The following TMEFF2 variants were observed in gnomAD, a reference collection of about 807,000 sequenced individuals.
The protein encoded by TMEFF2 is transmembrane protein with EGF like and two follistatin like domains 2, also known as tomoregulin-2.
TMEFF2 carries 28 observed loss-of-function variants against 53.8 expected under a neutral mutation model. That is an observed-to-expected ratio of 0.52 (90% CI 0.39 to 0.71). TMEFF2 has a LOEUF of 0.71. Ranked by LOEUF, TMEFF2 falls within the 30% of genes least tolerant of loss-of-function variation. TMEFF2 has a pLI of 0.00. For missense variants in TMEFF2, 353 were observed against 455.2 expected (o/e 0.78, Z 2.04); for synonymous variants, 162 against 166.3 (o/e 0.97, Z 0.20).
At chr2:192,068,585 G>A (rs1688217770) in intron 4 of TMEFF2, among the ~76,000 whole-genome samples, 2 of 151,802 alleles carry the variant, frequency 1.3e-5, no homozygotes, top group African/African-American at 4.8e-5. Flanking sequence ...CTTTGTTTTA[G>A]TGCACTGGAC....
At chr2:192,133,641 T>C (rs1326898349) in intron 4 of TMEFF2, among the ~76,000 whole-genome samples, 1 of 152,094 alleles carries the variant, frequency 6.6e-6, no homozygotes, top group Non-Finnish European at 1.5e-5. Flanking sequence ...CCCTCCACAA[T>C]CCGTTATTCT....
chr2:192,091,658 T>C (rs1036251108), intron 4 of TMEFF2, among the ~76,000 whole-genome samples: 1 of 152,180 alleles, frequency 6.6e-6, no homozygotes, highest in Non-Finnish European at 1.5e-5. Context: ...ATTGTGGTTT[T>C]ATTACGTCAC....
At chr2:192,165,675 C>T (rs1432978970) in intron 4 of TMEFF2, among the ~76,000 whole-genome samples, 1 of 151,938 alleles carries the variant, frequency 6.6e-6, no homozygotes, top group Non-Finnish European at 1.5e-5. Flanking sequence ...ACTCCCTTTC[C>T]TCTCCAATAA....
At chr2:192,183,180 A>C (rs115556099) in intron 3 of TMEFF2, among the ~76,000 whole-genome samples, 1,621 of 152,060 alleles carry the variant, frequency 0.011, 24 homozygotes, top group African/African-American at 0.037. Context: ...CCAAAACAAA[A>C]CATCATTGGC....
intron 4 of TMEFF2, among the ~76,000 whole-genome samples, chr2:192,137,008 A>C (rs1049425934): frequency 2.0e-5 from 3 of 152,250 alleles, no homozygotes; most frequent in Admixed American, 1.3e-4. Flanking sequence ...AAATGATTAA[A>C]TGAATTTTTA....
At position 192,048,105 on chromosome 2, in the gene TMEFF2, T is replaced by C. The variant is rs1024142546; in HGVS notation, c.536+9574A>G. On this transcript the variant is annotated intron_variant, in intron 5 of 9. Transcript: ENST00000272771. Reference sequence around the variant, plus strand: ...GTTTAACACAGGCTTAGAGGGGATATAGGCTTTGATAATTTTTTAGATCAC... The same window carrying C: ...GTTTAACACAGGCTTAGAGGGGATACAGGCTTTGATAATTTTTTAGATCAC... Among the ~76,000 whole-genome samples the C allele has an allele frequency of 4.0e-4, 61 of 152,228 alleles. 1 individual carries two copies. Among genetic ancestry groups the C allele is most frequent in the South Asian group, 8.3e-4 (4 of 4,824 alleles).
chr2:192,076,825 A>C (rs1177710166), intron 4 of TMEFF2, among the ~76,000 whole-genome samples: 4 of 152,096 alleles, frequency 2.6e-5, no homozygotes, highest in Non-Finnish European at 5.9e-5. Flanking sequence ...GTGATCAGGG[A>C]GCAGCCAGTG....
chr2:192,073,395 A>G (rs1688335593), intron 4 of TMEFF2, among the ~76,000 whole-genome samples: 1 of 151,794 alleles, frequency 6.6e-6, no homozygotes, highest in Non-Finnish European at 1.5e-5. Flanking sequence ...TATACTACAC[A>G]TCAGTTTTAG....
At chr2:192,135,914 G>A (rs1383130075) in intron 4 of TMEFF2, among the ~76,000 whole-genome samples, 2 of 146,774 alleles carry the variant, frequency 1.4e-5, no homozygotes, top group Admixed American at 6.9e-5. Flanking sequence ...TGTGACCCCC[G>A]CCCCTGCCCA....
chr2:192,130,239 T>C (rs1477851140), intron 4 of TMEFF2, among the ~76,000 whole-genome samples: 3 of 152,186 alleles, frequency 2.0e-5, no homozygotes, highest in African/African-American at 4.8e-5. Context: ...CAGATTTTTT[T>C]CCTAAATTTC....
chr2:192,194,291 G>A lies in TMEFF2; in HGVS notation c.172+62C>T. 6.3e-7 allele frequency: 1 copy of A among 1,593,490 alleles called. No individual in the cohort carries two copies. The highest frequency in any genetic ancestry group is 1.1e-5 in the South Asian group (1 of 88,140). The stretch of plus-strand genomic sequence containing the variant: ...GAGGCGCGCTAGGGTAGGCTGGTCT[G>A]TGCTGGATACGCGTGTTCTTCTGCG... On this transcript the variant is annotated intron_variant, in intron 1 of 9. Coordinates refer to ENST00000272771, the MANE Select transcript of TMEFF2 (RefSeq NM_016192.4). The surrounding 1 kb of genome is among the most constrained non-coding windows in gnomAD (Gnocchi z 4.2).
Position 191,998,287 on chromosome 2 carries a change from C to T in TMEFF2, c.720G>A (p.Gly240=). Residue 240 remains glycine, a synonymous_variant, in exon 7 of 10, where the codon GGG becomes GGA. Coordinates refer to ENST00000272771, the MANE Select transcript of TMEFF2 (RefSeq NM_016192.4). The part of the protein sequence containing the change: ...NTTTTTKSED[G]HYARTDYAEN... The stretch of plus-strand genomic sequence containing the variant: ...CTGCATAATCTGTTCTTGCATAATG[C>T]CCATCTTCAGACTTAGTAGTTGTAG... 6.3e-7 allele frequency: 1 copy of T among 1,599,350 alleles called. No individual in the cohort carries two copies. The highest frequency in any genetic ancestry group is 8.5e-7 in the Non-Finnish European group (1 of 1,173,442).
At chr2:192,103,166 T>G (rs1429683213) in intron 4 of TMEFF2, among the ~76,000 whole-genome samples, 1 of 152,148 alleles carries the variant, frequency 6.6e-6, no homozygotes, top group Non-Finnish European at 1.5e-5. Flanking sequence ...TACTTCTTGA[T>G]CTTCTCTTTT....
intron 5 of TMEFF2, among the ~76,000 whole-genome samples, chr2:192,049,480 A>G (rs1308036166): frequency 1.3e-5 from 2 of 152,154 alleles, no homozygotes; most frequent in Non-Finnish European, 1.5e-5. Context: ...TGAGATTCCT[A>G]TTATTATCTT....
intron 2 of TMEFF2, among the ~76,000 whole-genome samples, chr2:192,184,921 G>T (rs1038678090): frequency 3.3e-5 from 5 of 152,124 alleles, no homozygotes; most frequent in East Asian, 1.9e-4. Context: ...AAATGCCAAA[G>T]AAATCAATTA....
intron 4 of TMEFF2, among the ~76,000 whole-genome samples, chr2:192,082,024 TCTC>T (rs1247633716): frequency 2.0e-5 from 3 of 151,950 alleles, no homozygotes; most frequent in Admixed American, 6.6e-5. Context: ...ATGGTCTTGA[TCTC>T]CTGACCTCAT....
In TMEFF2 at chr2:192,145,583, TA is replaced by T. The variant is rs1413202342; in HGVS notation, c.439+34084del. Among the ~76,000 whole-genome samples the T allele has an allele frequency of 2.0e-5, 3 of 151,968 alleles. No individual in the cohort carries two copies. The East Asian group carries it at 5.8e-4, about 29-fold the overall frequency. ...AAAATGACAAAGCATTCATCTTAAA[TA>T]ATCTTTTGGGGATGGCTCTTCTGCA... On this transcript the variant is annotated intron_variant, in intron 4 of 9. Coordinates refer to ENST00000272771, the MANE Select transcript of TMEFF2 (RefSeq NM_016192.4).
chr2:192,060,567 C>T (rs191338508), intron 4 of TMEFF2, among the ~76,000 whole-genome samples: 3 of 152,178 alleles, frequency 2.0e-5, no homozygotes, highest in African/African-American at 4.8e-5. Flanking sequence ...TACATATGTA[C>T]GTACATGCAG....
At chr2:192,058,299 T>G (rs565538073) in intron 4 of TMEFF2, among the ~76,000 whole-genome samples, 7 of 152,286 alleles carry the variant, frequency 4.6e-5, no homozygotes, top group South Asian at 2.1e-4. Context: ...AGAAAAAGTA[T>G]GTTGATTATA....
Sources: allele counts gnomAD v4.1 joint callset (sites outside exome capture counted in the v4.1 genomes callset), GRCh38; gene constraint gnomAD v4.1.1; non-coding constraint Gnocchi (gnomAD v3.1); transcripts MANE v1.5; gene names NCBI Gene and HGNC (gene_info 2026-07-23, HGNC 2026-07-21).